JMJD1C: variants seen among roughly 807,000 people sequenced by gnomAD.
The protein encoded by JMJD1C is jumonji domain containing 1C.
A neutral mutation model predicts 245.3 loss-of-function variants in JMJD1C; 31 were observed. That is an observed-to-expected ratio of 0.13 (90% CI 0.09 to 0.17). The LOEUF (loss-of-function observed/expected upper bound fraction) is 0.17. JMJD1C is among the 10% of genes least tolerant of loss of function. The pLI is 1.00. For missense variants in JMJD1C, 2,691 were observed against 3,000.2 expected, an observed-to-expected ratio of 0.90 and a Z score of 2.41; for synonymous variants, 1,057 against 1,017.4, an observed-to-expected ratio of 1.04 and a Z score of -0.74.
chr10:63,368,676 T>C lies in JMJD1C; in HGVS notation c.333+11642A>G, dbSNP rs182286062. Among the ~76,000 whole-genome samples the C allele has an allele frequency of 3.2e-4, 49 of 152,290 alleles. No individual in the cohort carries two copies. The East Asian group carries it at 9.3e-3, about 29-fold the overall frequency. Reference sequence around the variant, plus strand: ...CTGTTGCTAAGATTCATTTACCTTATGTAAATAAATCTTTTTTTGTTTTGT... The same window carrying C: ...CTGTTGCTAAGATTCATTTACCTTACGTAAATAAATCTTTTTTTGTTTTGT... On this transcript the variant is annotated intron_variant, in intron 2 of 25. Transcript: ENST00000399262.
intron 2 of JMJD1C, among the ~76,000 whole-genome samples, chr10:63,355,232 C>CT (rs1470275575): frequency 6.6e-6 from 1 of 152,094 alleles, no homozygotes; most frequent in Non-Finnish European, 1.5e-5. Context: ...AGGGAGGCCC[C>CT]TGAGGACCCA....
intron 2 of JMJD1C, among the ~76,000 whole-genome samples, chr10:63,375,035 A>G (rs1442819060): frequency 6.6e-6 from 1 of 152,180 alleles, no homozygotes; most frequent in Admixed American, 6.5e-5. Context: ...TTTCTGGACT[A>G]TAACTTCAAA....
At chr10:63,424,544 T>C (rs1275435981) in intron 1 of JMJD1C, among the ~76,000 whole-genome samples, 1 of 140,344 alleles carries the variant, frequency 7.1e-6, no homozygotes, top group African/African-American at 2.6e-5. Context: ...TCTCATTCTG[T>C]TGCCTGTGCT....
chr10:63,391,366 T>C (rs902582080), intron 1 of JMJD1C, among the ~76,000 whole-genome samples: 1 of 151,878 alleles, frequency 6.6e-6, no homozygotes, highest in East Asian at 1.9e-4. Flanking sequence ...AAAAATTAGC[T>C]GGGCATGGTG....
At chr10:63,270,446 G>A (rs972686937) in intron 2 of JMJD1C, among the ~76,000 whole-genome samples, 1 of 151,804 alleles carries the variant, frequency 6.6e-6, no homozygotes, top group African/African-American at 2.4e-5. Flanking sequence ...TGGGATTACA[G>A]GTGTGAGCCA....
At position 63,234,506 on chromosome 10, in the gene JMJD1C, A is replaced by AAAAC. The variant is rs752981109; in HGVS notation, c.448-14524_448-14523insGTTT. Among the ~76,000 whole-genome samples, 1,268 of 148,710 alleles carry AAAAC rather than the reference A, an allele frequency of 8.5e-3. 20 individuals are homozygous for AAAAC. The highest frequency in any genetic ancestry group is 0.02 in the African/African-American group (789 of 40,036). The stretch of plus-strand genomic sequence containing the variant: ...GAAACCTCCTCTTAAAAAAAAAAAA[A>AAAAC]AAAAAAAAAAAAAAACACCAAAAAC... On this transcript the variant is annotated intron_variant, in intron 3 of 25. Coordinates refer to ENST00000399262, the MANE Select transcript of JMJD1C (RefSeq NM_032776.3).
At chr10:63,507,838 T>C (rs1378827704) in intron 1 of JMJD1C, among the ~76,000 whole-genome samples, 1 of 152,124 alleles carries the variant, frequency 6.6e-6, no homozygotes, top group Non-Finnish European at 1.5e-5. Context: ...TGGTACATCT[T>C]TTCACGTGTT....
intron 2 of JMJD1C, among the ~76,000 whole-genome samples, chr10:63,372,177 A>C (rs1946369092): frequency 6.6e-6 from 1 of 152,204 alleles, no homozygotes; most frequent in South Asian, 2.1e-4. Context: ...AATATTTTAA[A>C]ATAAATAAAT....
chr10:63,337,223 A>C (rs1021680709), intron 2 of JMJD1C, among the ~76,000 whole-genome samples: 1 of 151,522 alleles, frequency 6.6e-6, no homozygotes, highest in Non-Finnish European at 1.5e-5. Flanking sequence ...CACGGGCACC[A>C]CTGAGACTGG....
At chr10:63,324,495 C>T (rs776149241) in intron 2 of JMJD1C, among the ~76,000 whole-genome samples, 2 of 152,080 alleles carry the variant, frequency 1.3e-5, no homozygotes, top group Non-Finnish European at 2.9e-5. Flanking sequence ...ACAATACAAA[C>T]CCTGTATTAT....
At chr10:63,487,027 T>C (rs1014005913) in intron 1 of JMJD1C, among the ~76,000 whole-genome samples, 1 of 152,238 alleles carries the variant, frequency 6.6e-6, no homozygotes, top group African/African-American at 2.4e-5. Flanking sequence ...AGTTCATGGT[T>C]GGCATCACAA....
In JMJD1C at chr10:63,482,208, C is replaced by T. The variant is rs578197541; in HGVS notation, n.113+39530G>A. Among the ~76,000 whole-genome samples, 16 of 152,210 alleles carry T rather than the reference C, an allele frequency of 1.1e-4. 1 individual carries two copies. The highest frequency in any genetic ancestry group is 6.2e-4 in the South Asian group (3 of 4,822). ...TACATTGTTTCACTTTTTAAGTAGA[C>T]GTTTCCAAGAACTTACCAAGACATT... On this transcript the variant is annotated intron_variant and non_coding_transcript_variant, in intron 1 of 3. Transcript: ENST00000633035.
intron 1 of JMJD1C, among the ~76,000 whole-genome samples, chr10:63,390,928 T>C (rs1422249313): frequency 6.6e-6 from 1 of 152,036 alleles, no homozygotes; most frequent in Admixed American, 6.5e-5. Flanking sequence ...CTTTAAGAAC[T>C]GGAACAAAAC....
At chr10:63,452,611 T>C (rs1403396458) in intron 1 of JMJD1C, among the ~76,000 whole-genome samples, 1 of 152,160 alleles carries the variant, frequency 6.6e-6, no homozygotes, top group Non-Finnish European at 1.5e-5. Flanking sequence ...AAGCAGGGAC[T>C]TAAATAGATA....
chr10:63,491,588 T>C (rs1954177693), intron 1 of JMJD1C, among the ~76,000 whole-genome samples: 1 of 152,056 alleles, frequency 6.6e-6, no homozygotes, highest in Admixed American at 6.6e-5. Flanking sequence ...TGGATAAGAG[T>C]ATAAAATACT....
intron 3 of JMJD1C, among the ~76,000 whole-genome samples, chr10:63,244,264 G>C (rs115112109): frequency 2.0e-5 from 3 of 152,232 alleles, no homozygotes; most frequent in African/African-American, 7.2e-5. Flanking sequence ...CGCACTACCA[G>C]GATATTCTCC....
At chr10:63,399,773 A>ATT (rs58476707) in intron 1 of JMJD1C, among the ~76,000 whole-genome samples, 3 of 145,984 alleles carry the variant, frequency 2.1e-5, no homozygotes, top group Admixed American at 6.9e-5. Context: ...TCCTTTTAGG[A>ATT]TTTTTTTTTT....
At chr10:63,245,136 A>C (rs1852019304) in intron 3 of JMJD1C, among the ~76,000 whole-genome samples, 2 of 17,682 alleles carry the variant, frequency 1.1e-4, no homozygotes, top group Non-Finnish European at 2.0e-4. Context: ...TCTGTCTCAA[A>C]AAAAAAAAAA....
At chr10:63,202,485 TA>T in intron 10 of JMJD1C, 1 of 985,438 alleles carries the variant, frequency 1.0e-6, no homozygotes, top group South Asian at 4.7e-5. Flanking sequence ...TGAGACTACG[TA>T]CTTCTTGCAG....
Sources: allele counts gnomAD v4.1 joint callset (sites outside exome capture counted in the v4.1 genomes callset), GRCh38; gene constraint gnomAD v4.1.1; transcripts MANE v1.5; gene names NCBI Gene and HGNC (gene_info 2026-07-23, HGNC 2026-07-21).